SMCO4: variants seen among roughly 807,000 people sequenced by gnomAD.
SMCO4 encodes single-pass membrane and coiled-coil domain-containing protein 4.
Under a neutral mutation model 3.6 loss-of-function variants are expected in SMCO4, and 4 were observed. The observed-to-expected ratio is 1.11, with a 90% CI of 0.54 to 2.53. SMCO4 has a LOEUF of 2.53. Ranked by LOEUF, SMCO4 falls within the 30% of genes most tolerant of loss-of-function variation. SMCO4 has a pLI of 0.02. For synonymous variants in SMCO4, 36 were observed against 35.3 expected, an observed-to-expected ratio of 1.02 and a Z score of -0.07; for missense variants, 70 against 80.8, an observed-to-expected ratio of 0.87 and a Z score of 0.51.
chr11:93,507,959 G>C (rs937270730), intron 1 of SMCO4, among the ~76,000 whole-genome samples: 1 of 152,086 alleles, frequency 6.6e-6, no homozygotes, highest in African/African-American at 2.4e-5. Flanking sequence ...AAATGTTTGT[G>C]CTTTGGAAAT....
intron 2 of SMCO4, among the ~76,000 whole-genome samples, chr11:93,490,558 A>C (rs1162384079): frequency 6.6e-6 from 1 of 152,210 alleles, no homozygotes; most frequent in East Asian, 1.9e-4. Flanking sequence ...TCAGTCAATG[A>C]GTTGAGACCT....
chr11:93,483,291 G>A (rs1432902619), intron 2 of SMCO4, among the ~76,000 whole-genome samples: 4 of 152,150 alleles, frequency 2.6e-5, no homozygotes, highest in South Asian at 2.1e-4. Flanking sequence ...CCTCCCTCTG[G>A]GCTAAGGATC....
At chr11:93,506,426 T>C (rs1425080891) in intron 1 of SMCO4, among the ~76,000 whole-genome samples, 1 of 150,348 alleles carries the variant, frequency 6.7e-6, no homozygotes, top group Non-Finnish European at 1.5e-5. Flanking sequence ...TATTCTCTAC[T>C]GCCACACACA....
chr11:93,478,714 C>CACAT lies in SMCO4; in HGVS notation c.*295_*296insATGT, dbSNP rs1491465409. 1 of 15,808 alleles carries CACAT rather than the reference C, an allele frequency of 6.3e-5. No homozygotes were observed. The allele number at this position is 15,808 out of a possible 1,614,324, so 1.0% of individuals were successfully genotyped here. On this transcript the variant is annotated 3_prime_UTR_variant, in exon 3 of 3. Coordinates refer to ENST00000298966, the MANE Select transcript of SMCO4 (RefSeq NM_020179.3). ...TCGATTTTTAGGAGAGAAAAAGAAG[C>CACAT]ACACACACACACACACACACACACA... is the stretch of plus-strand genomic sequence containing the variant.
intron 1 of SMCO4, among the ~76,000 whole-genome samples, chr11:93,524,607 T>G (rs1208058416): frequency 6.6e-6 from 1 of 152,106 alleles, no homozygotes; most frequent in Non-Finnish European, 1.5e-5. Flanking sequence ...AGCAGCAGCA[T>G]TACTGCCAGG....
chr11:93,534,375 T>TAGAGAGAGAGAGAGAGAGAGAG (rs1555079957), intron 1 of SMCO4, among the ~76,000 whole-genome samples: 1 of 142,132 alleles, frequency 7.0e-6, no homozygotes, highest in African/African-American at 2.6e-5. Context: ...TATATATATA[T>TAGAGAGAGAGAGAGAGAGAGAG]AGAGAGAGAG....
chr11:93,497,216 GT>G (rs1176990879), intron 2 of SMCO4, among the ~76,000 whole-genome samples: 1 of 152,176 alleles, frequency 6.6e-6, no homozygotes. Flanking sequence ...AAAAATCACA[GT>G]TAACTAAACA....
chr11:93,493,021 ATGAAC>A (rs1948736207), intron 2 of SMCO4, among the ~76,000 whole-genome samples: 1 of 152,226 alleles, frequency 6.6e-6, no homozygotes, highest in Non-Finnish European at 1.5e-5. Flanking sequence ...CCATCAGAAA[ATGAAC>A]TTGAGCTGCT....
At chr11:93,488,756 G>C (rs1948680350) in intron 2 of SMCO4, among the ~76,000 whole-genome samples, 1 of 152,170 alleles carries the variant, frequency 6.6e-6, no homozygotes, top group African/African-American at 2.4e-5. Flanking sequence ...CTGGAGACAG[G>C]ACCCTGGGAG....
intron 1 of SMCO4, among the ~76,000 whole-genome samples, chr11:93,517,671 A>G (rs1029074768): frequency 3.9e-5 from 6 of 152,104 alleles, no homozygotes; most frequent in Admixed American, 1.3e-4. Flanking sequence ...TTTTATATCC[A>G]TTATCTCCGC....
At chr11:93,514,374 CTATATATATATATATA>C (rs148462986) in intron 1 of SMCO4, among the ~76,000 whole-genome samples, 50 of 39,096 alleles carry the variant, frequency 1.3e-3, no homozygotes, top group East Asian at 3.2e-3. Context: ...CAGGATGAGG[CTATATATATATATATA>C]TATATATATA....
chr11:93,532,381 G>C (rs1310270145), intron 1 of SMCO4, among the ~76,000 whole-genome samples: 1 of 152,198 alleles, frequency 6.6e-6, no homozygotes, highest in Non-Finnish European at 1.5e-5. Flanking sequence ...ACTTGCACCA[G>C]CACATCCTGC....
At chr11:93,488,555 A>G (rs2608279) in intron 2 of SMCO4, among the ~76,000 whole-genome samples, 46,403 of 151,778 alleles carry the variant, frequency 0.31, 7,494 homozygotes, top group East Asian at 0.47. Flanking sequence ...GGAGTGTGAA[A>G]AAAAGAAAAC....
At chr11:93,503,437 C>A (rs777084627) in intron 1 of SMCO4, among the ~76,000 whole-genome samples, 12 of 152,170 alleles carry the variant, frequency 7.9e-5, no homozygotes, top group Non-Finnish European at 1.8e-4. Flanking sequence ...ATGGGAGCTA[C>A]AATTCAAGGT....
chr11:93,525,403 G>A (rs1169814698), intron 1 of SMCO4, among the ~76,000 whole-genome samples: 1 of 152,196 alleles, frequency 6.6e-6, no homozygotes, highest in Non-Finnish European at 1.5e-5. Flanking sequence ...TATCCAACTT[G>A]AAGCAGAGGC....
rs1400311736 is a variant in SMCO4, at chr11:93,479,650, C to A, written c.-80-381G>T. ...GCTTTCCTGCTCTAAGTTCCATGAT[C>A]TCCCCAGCCCATCTCCAGCATGGAA... On this transcript the variant is annotated intron_variant, in intron 2 of 2. Coordinates refer to ENST00000298966, the MANE Select transcript of SMCO4 (RefSeq NM_020179.3). Among the ~76,000 whole-genome samples, 3 of 152,230 alleles carry A rather than the reference C, an allele frequency of 2.0e-5. No homozygotes were observed. In the East Asian group the frequency reaches 5.8e-4, roughly 29 times the overall value.
chr11:93,479,113 GC>G lies in SMCO4; in HGVS notation c.76del (p.Ala26ProfsTer19). On this transcript the variant is annotated frameshift_variant, in exon 3 of 3. Coordinates refer to ENST00000298966, the MANE Select transcript of SMCO4 (RefSeq NM_020179.3). LOFTEE classifies it high-confidence loss of function. ...CACCACTGTAGTGATCTGCTGCCGG[GC>G]CTCCTGCATGGCTTGCTTCCGCTCC... ...KKERKQAMQE[A>X]RQQITTVVLP... 2 of 1,614,080 alleles carry G rather than the reference GC, an allele frequency of 1.2e-6. No homozygotes were observed. Among genetic ancestry groups the G allele is most frequent in the Non-Finnish European group, 1.7e-6 (2 of 1,180,048 alleles).
At chr11:93,497,240 A>C (rs1248940840) in intron 2 of SMCO4, among the ~76,000 whole-genome samples, 2 of 152,212 alleles carry the variant, frequency 1.3e-5, no homozygotes, top group Admixed American at 1.3e-4. Flanking sequence ...TCCACATGGC[A>C]ATAAAGCACT....
chr11:93,482,336 C>T (rs1948601573), intron 2 of SMCO4, among the ~76,000 whole-genome samples: 1 of 152,218 alleles, frequency 6.6e-6, no homozygotes, highest in Non-Finnish European at 1.5e-5. Context: ...GAAGGGCGGA[C>T]TCAAGAAGCG....
Sources: allele counts gnomAD v4.1 joint callset (sites outside exome capture counted in the v4.1 genomes callset), GRCh38; gene constraint gnomAD v4.1.1; transcripts MANE v1.5; gene names NCBI Gene and HGNC (gene_info 2026-07-23, HGNC 2026-07-21).